Variants in PHEX observed in about 807,000 individuals in gnomAD.
The protein encoded by PHEX is phosphate regulating endopeptidase X-linked.
A neutral mutation model predicts 68.0 loss-of-function variants in PHEX; 16 were observed. The observed-to-expected ratio is 0.24, with a 90% CI of 0.16 to 0.36. The LOEUF (loss-of-function observed/expected upper bound fraction) is 0.36, where lower values mean the gene tolerates loss of function less well. Among genes scored for constraint, PHEX ranks in the 10% least tolerant of loss-of-function variants. The probability of loss-of-function intolerance (pLI) is 1.00; values close to 1 mark genes in which losing one functional copy is unlikely to be tolerated. For missense variants in PHEX, 480 were observed against 575.5 expected (o/e 0.83, Z 1.70); for synonymous variants, 208 against 205.1 (o/e 1.01, Z -0.12).
At chrX:22,243,337 A>C (rs369267727) in intron 20 of PHEX, among the ~76,000 whole-genome samples, 24 of 112,224 alleles carry the variant, frequency 2.1e-4, no homozygotes, top group African/African-American at 7.8e-4. Context: ...TCCTAGAAGA[A>C]AACCTGGGCA....
At chrX:22,065,498 T>C (rs1208006280) in intron 3 of PHEX, among the ~76,000 whole-genome samples, 2 of 111,239 alleles carry the variant, frequency 1.8e-5, no homozygotes, top group Non-Finnish European at 3.8e-5. Flanking sequence ...TGATCTCGGC[T>C]CACTGCAAGC....
intron 11 of PHEX, among the ~76,000 whole-genome samples, chrX:22,132,907 G>C (rs1189252950): frequency 9.2e-6 from 1 of 109,207 alleles, no homozygotes; most frequent in East Asian, 2.9e-4. Flanking sequence ...ATTTTTTGGA[G>C]ACAGGGTCTT....
chrX:22,106,555 G>A (rs1838021813), intron 9 of PHEX, among the ~76,000 whole-genome samples: 1 of 110,926 alleles, frequency 9.0e-6, no homozygotes, highest in African/African-American at 3.3e-5. Flanking sequence ...CGGATTGCTT[G>A]AGTCCAGGAG....
At chrX:22,111,629 A>T in intron 10 of PHEX, 69 bp downstream of exon 10, 1 of 795,599 alleles carries the variant, frequency 1.3e-6, no homozygotes, top group Non-Finnish European at 1.9e-6. Context: ...CCATATATTA[A>T]CTGATCCAGT....
chrX:22,112,905 C>CA (rs1320399912), intron 10 of PHEX, among the ~76,000 whole-genome samples: 2 of 106,930 alleles, frequency 1.9e-5, no homozygotes, highest in African/African-American at 3.4e-5. Flanking sequence ...GACTCCGTCT[C>CA]AAAAAAAAGA....
rs772533543 is a variant in PHEX at position 22,156,709 on chromosome X, G to T, written c.1405-11603G>T. Among the ~76,000 whole-genome samples the T allele has an allele frequency of 1.0e-4, 11 of 110,171 alleles. 1 individual carries two copies. Among genetic ancestry groups the T allele is most frequent in the African/African-American group, 2.6e-4 (8 of 30,277 alleles). Reference sequence around the variant, plus strand: ...TCATTTTGGTTATGTCTGGATAAATGGGCTTAGCTAATTGAGGCTTAGGGT... The same window carrying T: ...TCATTTTGGTTATGTCTGGATAAATTGGCTTAGCTAATTGAGGCTTAGGGT... On this transcript the variant is annotated intron_variant, in intron 12 of 21. Transcript: ENST00000379374.
chrX:22,189,957 C>T (rs1934146510), intron 14 of PHEX, among the ~76,000 whole-genome samples: 1 of 112,142 alleles, frequency 8.9e-6, no homozygotes, highest in South Asian at 3.7e-4. Flanking sequence ...CTCTGGGTGG[C>T]ATAGTTGGAC....
chrX:22,183,480 ACTGTCTTT>A (rs1465544476), intron 14 of PHEX, among the ~76,000 whole-genome samples: 8 of 107,093 alleles, frequency 7.5e-5, no homozygotes, highest in African/African-American at 2.3e-4. Flanking sequence ...CATTTGCTCC[ACTGTCTTT>A]GGTTCTTTCC....
rs1053271963 is a variant in PHEX at position 22,114,325 on chromosome X, C to T, written c.1174-133C>T. ...TTCTTCAACTATTTTACCTTTGCCT[C>T]TACTATCTGATGCATATATATGGGT... On this transcript the variant is annotated intron_variant, in intron 10 of 21. Coordinates refer to ENST00000379374, the MANE Select transcript of PHEX (RefSeq NM_000444.6). 48 of 589,586 alleles carry T rather than the reference C, an allele frequency of 8.1e-5. No homozygotes were observed. The East Asian group carries it at 1.6e-3, about 19-fold the overall frequency. 48.6% of individuals were successfully genotyped at this position (589,586 alleles called of 1,213,427 possible). A position where few individuals can be genotyped will look rare whatever the true frequency, so the allele number is the denominator to read the frequency against.
chrX:22,110,429 CAT>C (rs1487650230), intron 9 of PHEX, among the ~76,000 whole-genome samples: 1 of 111,973 alleles, frequency 8.9e-6, no homozygotes, highest in Non-Finnish European at 1.9e-5. Flanking sequence ...TTTTTGTAGA[CAT>C]ATTCTTTTTT....
intron 20 of PHEX, among the ~76,000 whole-genome samples, chrX:22,243,012 A>G (rs542242342): frequency 2.7e-5 from 3 of 111,931 alleles, no homozygotes; most frequent in African/African-American, 9.7e-5. Flanking sequence ...GAGGCATCAC[A>G]CTACCTGACT....
chrX:22,047,852 C>T (rs1927615740), intron 3 of PHEX, among the ~76,000 whole-genome samples: 1 of 111,666 alleles, frequency 9.0e-6, no homozygotes, highest in Admixed American at 9.6e-5. Context: ...AGCATTGGAT[C>T]TAATTTTTAT....
chrX:22,131,571 G>A (rs1328401283), intron 11 of PHEX, among the ~76,000 whole-genome samples: 1 of 112,837 alleles, frequency 8.9e-6, no homozygotes, highest in African/African-American at 3.2e-5. Flanking sequence ...ACATATGATG[G>A]AACCCAGCCC....
At chrX:22,051,559 T>C in intron 3 of PHEX, among the ~76,000 whole-genome samples, 1 of 111,998 alleles carries the variant, frequency 8.9e-6, no homozygotes, top group East Asian at 2.8e-4. Flanking sequence ...CCGCATAAAA[T>C]ATCTATTAGA....
At chrX:22,208,608 A>G (rs759472231) in intron 15 of PHEX, among the ~76,000 whole-genome samples, 1 of 112,335 alleles carries the variant, frequency 8.9e-6, no homozygotes, top group South Asian at 3.7e-4. Flanking sequence ...CCGCATCTGC[A>G]TCGCCTGAGA....
At position 22,050,987 on chromosome X, in the gene PHEX, T is replaced by C. The variant is rs190744084; in HGVS notation, c.349+3776T>C. ...GATTCATATTGGTTTGTGATTGTTT[T>C]GTGTGCTAGGTTTGTCGAATTCTGT... On this transcript the variant is annotated intron_variant, in intron 3 of 21. Coordinates refer to ENST00000379374, the MANE Select transcript of PHEX (RefSeq NM_000444.6). 4.6e-3 allele frequency among the ~76,000 whole-genome samples: 521 copies of C among 112,293 alleles called. 4 individuals carry two copies. Among genetic ancestry groups the C allele is most frequent in the African/African-American group, 0.016 (488 of 30,963 alleles).
intron 12 of PHEX, among the ~76,000 whole-genome samples, chrX:22,155,004 C>T (rs1204452328): frequency 8.9e-6 from 1 of 112,494 alleles, no homozygotes; most frequent in East Asian, 2.8e-4. Flanking sequence ...CTCCGCCTCC[C>T]GCATTTAAGC....
chrX:22,195,680 A>C (rs1469070147), intron 15 of PHEX, among the ~76,000 whole-genome samples: 2 of 111,643 alleles, frequency 1.8e-5, no homozygotes, highest in Non-Finnish European at 3.8e-5. Context: ...AAAAGAAGCC[A>C]GGTGTAAGAC....
At chrX:22,181,894 T>C (rs1933894297) in intron 14 of PHEX, among the ~76,000 whole-genome samples, 1 of 112,254 alleles carries the variant, frequency 8.9e-6, no homozygotes, top group Admixed American at 9.5e-5. Context: ...TCTTAGAATA[T>C]AGAAATGCTA....
Sources: allele counts gnomAD v4.1 joint callset (sites outside exome capture counted in the v4.1 genomes callset), GRCh38; gene constraint gnomAD v4.1.1; transcripts MANE v1.5; gene names NCBI Gene and HGNC (gene_info 2026-07-23, HGNC 2026-07-21).